The following KPNA3 variants were observed in gnomAD, a reference collection of about 807,000 sequenced individuals.
KPNA3 encodes the protein karyopherin subunit alpha 3, also known as importin subunit alpha-4.
Under a neutral mutation model 73.8 loss-of-function variants are expected in KPNA3, and 13 were observed. The ratio of observed to expected loss-of-function variants is 0.18; its 90% CI spans 0.11 to 0.28. The LOEUF (loss-of-function observed/expected upper bound fraction) is 0.28. Ranked by LOEUF, KPNA3 falls within the 10% of genes least tolerant of loss-of-function variation. The pLI is 1.00. For missense variants in KPNA3, 360 were observed against 618.1 expected, an observed-to-expected ratio of 0.58 and a Z score of 4.43; for synonymous variants, 186 against 206.9, an observed-to-expected ratio of 0.90 and a Z score of 0.87.
chr13:49,733,646 T>G (rs183897432), intron 2 of KPNA3, among the ~76,000 whole-genome samples: 1 of 152,292 alleles, frequency 6.6e-6, no homozygotes, highest in Admixed American at 6.5e-5. Context: ...ATGGCAGTAA[T>G]TCCCCTTCCC....
intron 1 of KPNA3, among the ~76,000 whole-genome samples, chr13:49,761,482 C>A (rs1954760278): frequency 6.6e-6 from 1 of 152,282 alleles, no homozygotes; most frequent in Non-Finnish European, 1.5e-5. Context: ...CGCGAGTGAT[C>A]TGCCAGCCTC....
intron 1 of KPNA3, among the ~76,000 whole-genome samples, chr13:49,768,729 C>G (rs904201034): frequency 6.6e-6 from 1 of 152,072 alleles, no homozygotes; most frequent in African/African-American, 2.4e-5. Flanking sequence ...TACTAAATGT[C>G]AAGAACCCAA....
At chr13:49,708,197 GTGTTA>G (rs2137533249) in intron 12 of KPNA3, among the ~76,000 whole-genome samples, 1 of 152,014 alleles carries the variant, frequency 6.6e-6, no homozygotes, top group Admixed American at 6.5e-5. Context: ...GGGTTTCACT[GTGTTA>G]GCCAGGATGG....
At chr13:49,767,248 C>A (rs1161196264) in intron 1 of KPNA3, among the ~76,000 whole-genome samples, 1 of 151,660 alleles carries the variant, frequency 6.6e-6, no homozygotes, top group Non-Finnish European at 1.5e-5. Context: ...GAAACCCCGT[C>A]TCTACTAAAA....
chr13:49,778,734 C>T (rs1204945145), intron 1 of KPNA3, among the ~76,000 whole-genome samples: 2 of 152,084 alleles, frequency 1.3e-5, no homozygotes, highest in African/African-American at 4.8e-5. Flanking sequence ...CCTCAGCCTC[C>T]CAAGCTGGGA....
chr13:49,775,720 T>C (rs924596013), intron 1 of KPNA3, among the ~76,000 whole-genome samples: 1 of 152,194 alleles, frequency 6.6e-6, no homozygotes, highest in African/African-American at 2.4e-5. Context: ...TAGTTGCCTT[T>C]AGCTATTATT....
chr13:49,720,878 C>T (rs1954350210), intron 9 of KPNA3, among the ~76,000 whole-genome samples: 1 of 151,604 alleles, frequency 6.6e-6, no homozygotes, highest in South Asian at 2.1e-4. Context: ...GTAGATTTAA[C>T]AAAAAATATG....
chr13:49,789,417 CCT>C (rs1035446556), intron 1 of KPNA3, among the ~76,000 whole-genome samples: 1 of 152,110 alleles, frequency 6.6e-6, no homozygotes, highest in Non-Finnish European at 1.5e-5. Flanking sequence ...CTTCCTCAAC[CCT>C]CTCTCTACTC....
intron 10 of KPNA3, among the ~76,000 whole-genome samples, chr13:49,718,436 T>G (rs1254107071): frequency 6.6e-6 from 1 of 152,152 alleles, no homozygotes; most frequent in Non-Finnish European, 1.5e-5. Flanking sequence ...TACCCCAGCT[T>G]TCACATAAAC....
intron 1 of KPNA3, among the ~76,000 whole-genome samples, chr13:49,790,770 G>A (rs1955026613): frequency 6.6e-6 from 1 of 152,190 alleles, no homozygotes; most frequent in African/African-American, 2.4e-5. Flanking sequence ...AAGTATCACT[G>A]AGCTACCAGA....
At chr13:49,781,201 G>A (rs542155527) in intron 1 of KPNA3, among the ~76,000 whole-genome samples, 42 of 152,162 alleles carry the variant, frequency 2.8e-4, no homozygotes, top group African/African-American at 6.3e-4. Flanking sequence ...CCATGTGCCC[G>A]CTCCACTAGG....
chr13:49,717,020 C>G (rs1389925462), intron 10 of KPNA3, among the ~76,000 whole-genome samples: 1 of 152,148 alleles, frequency 6.6e-6, no homozygotes, highest in African/African-American at 2.4e-5. Flanking sequence ...TCTCCCTTAA[C>G]GATTCCTATT....
chr13:49,782,302 T>C (rs1319731478), intron 1 of KPNA3, among the ~76,000 whole-genome samples: 1 of 152,216 alleles, frequency 6.6e-6, no homozygotes, highest in Non-Finnish European at 1.5e-5. Flanking sequence ...GTCACTGTTA[T>C]TCATACTATT....
At chr13:49,716,727 C>T (rs947334739) in intron 10 of KPNA3, among the ~76,000 whole-genome samples, 1 of 152,108 alleles carries the variant, frequency 6.6e-6, no homozygotes, top group Non-Finnish European at 1.5e-5. Context: ...TATGAGCCAC[C>T]GTGCCCAGCC....
chr13:49,750,803 C>T (rs1242810479), intron 1 of KPNA3, among the ~76,000 whole-genome samples: 2 of 152,020 alleles, frequency 1.3e-5, no homozygotes, highest in Non-Finnish European at 2.9e-5. Context: ...ACCAGCCTGG[C>T]CAACATGGTG....
chr13:49,707,920 G>A (rs1954222866), intron 12 of KPNA3, among the ~76,000 whole-genome samples: 1 of 152,076 alleles, frequency 6.6e-6, no homozygotes, highest in Non-Finnish European at 1.5e-5. Context: ...CAGTTCTGCT[G>A]GGTTTGGGTG....
chr13:49,771,503 G>A (rs970589246), intron 1 of KPNA3, among the ~76,000 whole-genome samples: 1 of 152,150 alleles, frequency 6.6e-6, no homozygotes, highest in African/African-American at 2.4e-5. Flanking sequence ...CACCCCCGCT[G>A]GAGTGCCAGT....
intron 1 of KPNA3, among the ~76,000 whole-genome samples, chr13:49,775,844 C>T (rs1954894205): frequency 6.6e-6 from 1 of 152,140 alleles, no homozygotes; most frequent in African/African-American, 2.4e-5. Flanking sequence ...TTCAATCGGA[C>T]TTGGGGTGGG....
chr13:49,783,015 G>C (rs569458117), intron 1 of KPNA3, among the ~76,000 whole-genome samples: 132 of 152,164 alleles, frequency 8.7e-4, no homozygotes, highest in South Asian at 3.9e-3. Context: ...AGCAAGGGAA[G>C]GACAAGCCAA....
Sources: gnomAD v4.1 joint callset for allele counts (sites outside exome capture counted in the v4.1 genomes callset) on GRCh38, gnomAD v4.1.1 for gene constraint, MANE v1.5 for transcripts, NCBI Gene and HGNC (gene_info 2026-07-23, HGNC 2026-07-21) for gene names.